The following ANKRD13A variants were observed in gnomAD, a reference collection of about 807,000 sequenced individuals.
ANKRD13A encodes ankyrin repeat domain-containing protein 13A.
A neutral mutation model predicts 81.3 loss-of-function variants in ANKRD13A; 48 were observed. That is an observed-to-expected ratio of 0.59 (90% CI 0.47 to 0.75). ANKRD13A has a LOEUF of 0.75. Ranked by LOEUF, ANKRD13A falls within the 30% of genes least tolerant of loss-of-function variation. The pLI, the probability that ANKRD13A is intolerant of heterozygous loss-of-function variation, is 0.00. For missense variants in ANKRD13A, 612 were observed against 734.0 expected (o/e 0.83, Z 1.92); for synonymous variants, 230 against 270.1 (o/e 0.85, Z 1.45).
rs112536062 is a variant in ANKRD13A at position 110,011,567 on chromosome 12, T to C, written c.97-438T>C. Among the ~76,000 whole-genome samples, 450 of 152,338 alleles carry C rather than the reference T, an allele frequency of 3.0e-3. 2 individuals are homozygous for C. Among genetic ancestry groups the C allele is most frequent in the African/African-American group, 0.01 (425 of 41,578 alleles). On this transcript the variant is annotated intron_variant, in intron 1 of 14. Transcript: ENST00000261739. ...AATGTAATTTTATTCTGACCCAAATTATCTGTGCTTTCAGTTTTGATTAAG... is the reference window on the plus strand; with the variant it reads ...AATGTAATTTTATTCTGACCCAAATCATCTGTGCTTTCAGTTTTGATTAAG...
intron 1 of ANKRD13A, among the ~76,000 whole-genome samples, chr12:110,006,785 G>A (rs1282341315): frequency 6.6e-6 from 1 of 152,066 alleles, no homozygotes; most frequent in Admixed American, 6.5e-5. Flanking sequence ...TAGTAGAGAT[G>A]GAGTTTCTCC....
intron 1 of ANKRD13A, among the ~76,000 whole-genome samples, chr12:110,000,035 A>G (rs1335330697): frequency 6.6e-6 from 1 of 152,186 alleles, no homozygotes; most frequent in African/African-American, 2.4e-5. Context: ...TCCACTGGAC[A>G]GAGAAGGAAA....
rs1228194451 is a variant in ANKRD13A at position 110,024,711 on chromosome 12, T to G, written c.801+599T>G. 3.3e-5 allele frequency among the ~76,000 whole-genome samples: 5 copies of G among 152,198 alleles called. No homozygotes were observed. In the East Asian group the frequency reaches 9.6e-4, roughly 29 times the overall value. On this transcript the variant is annotated intron_variant, in intron 7 of 14. Transcript: ENST00000261739. ...GCAGGGTCCTCTGGTGGCCTCTGAGTGAGCAAAGAAAGGCTTACGTCATGC... is the reference window on the plus strand; with the variant it reads ...GCAGGGTCCTCTGGTGGCCTCTGAGGGAGCAAAGAAAGGCTTACGTCATGC...
chr12:110,017,355 C>T (rs1306250525), intron 4 of ANKRD13A, among the ~76,000 whole-genome samples: 2 of 151,740 alleles, frequency 1.3e-5, no homozygotes, highest in African/African-American at 4.8e-5. Context: ...TTTTTTTTAA[C>T]AAAATGGATA....
At chr12:110,034,909 C>T (rs1411388483) in intron 13 of ANKRD13A, among the ~76,000 whole-genome samples, 1 of 152,222 alleles carries the variant, frequency 6.6e-6, no homozygotes, top group African/African-American at 2.4e-5. Context: ...CAGCCCCTGC[C>T]CTCACAGGGC....
intron 12 of ANKRD13A, 52 bp downstream of exon 12, chr12:110,030,810 T>G (rs61940912): frequency 1.6e-6 from 2 of 1,279,828 alleles, no homozygotes; most frequent in Admixed American, 2.4e-5. Flanking sequence ...AAAAAAAATT[T>G]ATGGCCGGAC....
intron 1 of ANKRD13A, among the ~76,000 whole-genome samples, chr12:110,004,145 G>A (rs1890125645): frequency 6.6e-6 from 1 of 151,566 alleles, no homozygotes; most frequent in Non-Finnish European, 1.5e-5. Context: ...GCAACAGTAT[G>A]AGACTCCATC....
At chr12:110,030,105 G>A (rs2137166895) in intron 11 of ANKRD13A, among the ~76,000 whole-genome samples, 1 of 152,064 alleles carries the variant, frequency 6.6e-6, no homozygotes, top group Non-Finnish European at 1.5e-5. Context: ...GTATGTTCAT[G>A]ATACTTGAAC....
At chr12:110,009,580 C>T (rs1223785662) in intron 1 of ANKRD13A, among the ~76,000 whole-genome samples, 1 of 152,138 alleles carries the variant, frequency 6.6e-6, no homozygotes, top group African/African-American at 2.4e-5. Context: ...CTCTATTTTA[C>T]TCATTCCCCC....
rs1890887021 is a variant in ANKRD13A, at chr12:110,018,185, T to A, written c.401-160T>A. On this transcript the variant is annotated intron_variant, in intron 4 of 14. Coordinates refer to ENST00000261739, the MANE Select transcript of ANKRD13A (RefSeq NM_033121.2). This position sits in a 1 kb window ranked among gnomAD's most constrained non-coding sequence, Gnocchi z 4.4. Reference sequence around the variant, plus strand: ...AAGGTTCATTTTTATTTTTCAAGAGTGATTTCCTGTATGGTAAATATGAAA... The same window carrying A: ...AAGGTTCATTTTTATTTTTCAAGAGAGATTTCCTGTATGGTAAATATGAAA... Among the ~76,000 whole-genome samples, 1 of 152,100 alleles carries A rather than the reference T, an allele frequency of 6.6e-6. No homozygotes were observed. Among genetic ancestry groups the A allele is most frequent in the South Asian group, 2.1e-4 (1 of 4,830 alleles).
chr12:109,999,917 C>A lies in ANKRD13A; in HGVS notation c.96+133C>A. ...CCCCTTCCACTTTGCAGGTGTGGGA[C>A]AGTCCTAATAATAGGACACGTATCG... On this transcript the variant is annotated intron_variant, in intron 1 of 14. Coordinates refer to ENST00000261739, the MANE Select transcript of ANKRD13A (RefSeq NM_033121.2). This position sits in a 1 kb window ranked among gnomAD's most constrained non-coding sequence, Gnocchi z 4.3. The A allele has an allele frequency of 1.4e-6, 1 of 730,570 alleles. No homozygotes were observed. The allele number at this position is 730,570 out of a possible 1,614,324, so 45.3% of individuals were successfully genotyped here. A position where few individuals can be genotyped will look rare whatever the true frequency, so the allele number is the denominator to read the frequency against.
chr12:110,024,712 G>T (rs1291110402), intron 7 of ANKRD13A, among the ~76,000 whole-genome samples: 1 of 152,196 alleles, frequency 6.6e-6, no homozygotes, highest in African/African-American at 2.4e-5. Flanking sequence ...GCCTCTGAGT[G>T]AGCAAAGAAA....
In ANKRD13A at chr12:110,029,570, C is replaced by T; in HGVS notation, c.1169C>T (p.Ala390Val). 6 of 1,614,116 alleles carry T rather than the reference C, an allele frequency of 3.7e-6. No homozygotes were observed. Among genetic ancestry groups the T allele is most frequent in the Non-Finnish European group, 5.1e-6 (6 of 1,179,972 alleles). Residue 390 changes from alanine (A) to valine (V), a missense_variant, in exon 11 of 15, where the codon GCT becomes GTT. Physicochemically the swap from Ala to Val is moderately conservative, Grantham distance 64 (BLOSUM62 0). Transcript: ENST00000261739. The part of the protein sequence containing the change: ...PIIDLMARTS[A>V]HFARLRDFIK... Reference sequence around the variant, plus strand: ...ATTGACCTAATGGCTCGAACGAGTGCTCATTTTGCAAGACTGAGAGATTTC... The same window carrying T: ...ATTGACCTAATGGCTCGAACGAGTGTTCATTTTGCAAGACTGAGAGATTTC...
intron 4 of ANKRD13A, among the ~76,000 whole-genome samples, chr12:110,017,991 A>G (rs1890878849): frequency 6.6e-6 from 1 of 152,180 alleles, no homozygotes; most frequent in South Asian, 2.1e-4. Flanking sequence ...GGATATGACA[A>G]TATGGTAGGC....
intron 4 of ANKRD13A, among the ~76,000 whole-genome samples, chr12:110,016,693 AT>A (rs1890821673): frequency 6.6e-6 from 1 of 151,850 alleles, no homozygotes; most frequent in African/African-American, 2.4e-5. Context: ...AGACAATTTC[AT>A]TTCCTCCTTT....
rs1161140800 is a variant in ANKRD13A at position 110,018,270 on chromosome 12, A to G, written c.401-75A>G. On this transcript the variant is annotated intron_variant, in intron 4 of 14. Coordinates refer to ENST00000261739, the MANE Select transcript of ANKRD13A (RefSeq NM_033121.2). The surrounding 1 kb of genome is among the most constrained non-coding windows in gnomAD (Gnocchi z 4.4). ...GCCACTCCCCTCCTTTTATTAAATCAGAATCCTGATTTCCTGGCCTAGGTA... is the reference window on the plus strand; with the variant it reads ...GCCACTCCCCTCCTTTTATTAAATCGGAATCCTGATTTCCTGGCCTAGGTA... 1 of 1,489,656 alleles carries G rather than the reference A, an allele frequency of 6.7e-7. No individual in the cohort carries two copies. The highest frequency in any genetic ancestry group is 2.3e-5 in the East Asian group (1 of 42,580). The allele number at this position is 1,489,656 out of a possible 1,614,324, so 92.3% of individuals were successfully genotyped here.
intron 1 of ANKRD13A, among the ~76,000 whole-genome samples, chr12:110,007,431 A>T (rs1416490119): frequency 1.3e-5 from 2 of 151,970 alleles, no homozygotes; most frequent in South Asian, 4.1e-4. Flanking sequence ...CCCAGGCTGG[A>T]GTTCAATGGC....
rs1889855030 is a variant in ANKRD13A at position 109,999,819 on chromosome 12, G to A, written c.96+35G>A. 1 of 1,494,824 alleles carries A rather than the reference G, an allele frequency of 6.7e-7. No homozygotes were observed. Among genetic ancestry groups the A allele is most frequent in the Non-Finnish European group, 9.0e-7 (1 of 1,115,694 alleles). The allele number at this position is 1,494,824 out of a possible 1,614,324, so 92.6% of individuals were successfully genotyped here. On this transcript the variant is annotated intron_variant, in intron 1 of 14. Transcript: ENST00000261739. This position sits in a 1 kb window ranked among gnomAD's most constrained non-coding sequence, Gnocchi z 4.3. ...GGGGCGGGGGTCCGTCTCCCGGTGGGGACTTCGGGGAATCGGGGGTCGTTT... is the reference window on the plus strand; with the variant it reads ...GGGGCGGGGGTCCGTCTCCCGGTGGAGACTTCGGGGAATCGGGGGTCGTTT...
rs529854371 is a variant in ANKRD13A at position 110,012,765 on chromosome 12, A to C, written c.230-360A>C. On this transcript the variant is annotated intron_variant, in intron 2 of 14. Transcript: ENST00000261739. ...CATTGGCCAGAGTAATTTTGTGTTG[A>C]CTGAGCAGGGATACTGTAGGCCAAG... Among the ~76,000 whole-genome samples the C allele has an allele frequency of 5.9e-5, 9 of 152,288 alleles. No homozygotes were observed. In the East Asian group the frequency reaches 1.5e-3, roughly 26 times the overall value.
Sources: gnomAD v4.1 joint callset for allele counts (sites outside exome capture counted in the v4.1 genomes callset) on GRCh38, gnomAD v4.1.1 for gene constraint, Gnocchi (gnomAD v3.1) non-coding constraint, MANE v1.5 for transcripts, NCBI Gene and HGNC (gene_info 2026-07-23, HGNC 2026-07-21) for gene names.